ZNF804B: variants seen among roughly 807,000 people sequenced by gnomAD.
The protein encoded by ZNF804B is zinc finger 804B.
In ZNF804B, 80 loss-of-function variants were observed where a neutral mutation model predicts 101.4. The observed-to-expected ratio is 0.79, with a 90% confidence interval of 0.66 to 0.95. The LOEUF is 0.95. Among genes scored for constraint, ZNF804B ranks in the 40% least tolerant of loss-of-function variants. ZNF804B has a pLI of 0.00. For synonymous variants in ZNF804B, 622 were observed against 558.8 expected, an observed-to-expected ratio of 1.11 and a Z score of -1.59; for missense variants, 1,673 against 1,561.9, an observed-to-expected ratio of 1.07 and a Z score of -1.20.
At chr7:88,924,146 C>T (rs1792761940) in intron 1 of ZNF804B, among the ~76,000 whole-genome samples, 1 of 152,002 alleles carries the variant, frequency 6.6e-6, no homozygotes, top group Admixed American at 6.6e-5. Flanking sequence ...TCATAAATGG[C>T]TGTAGTAATT....
chr7:88,928,877 T>C (rs1257597335), intron 1 of ZNF804B, among the ~76,000 whole-genome samples: 1 of 152,104 alleles, frequency 6.6e-6, no homozygotes, highest in African/African-American at 2.4e-5. Context: ...TATTGACTAA[T>C]CATTACAAAA....
chr7:88,845,293 A>G (rs28722594), intron 1 of ZNF804B, among the ~76,000 whole-genome samples: 2,271 of 131,560 alleles, frequency 0.017, 57 homozygotes, highest in African/African-American at 0.062. Context: ...GCGCGCGCGC[A>G]CGCGCGCGCA....
intron 1 of ZNF804B, among the ~76,000 whole-genome samples, chr7:89,129,558 C>T (rs1447990758): frequency 2.0e-5 from 3 of 152,014 alleles, no homozygotes; most frequent in African/African-American, 7.2e-5. Context: ...CAGTAGTTCT[C>T]AGAGTCTTAG....
intron 1 of ZNF804B, among the ~76,000 whole-genome samples, chr7:89,034,956 A>G (rs189331406): frequency 6.6e-6 from 1 of 152,200 alleles, no homozygotes; most frequent in Non-Finnish European, 1.5e-5. Context: ...ATGTTAGTTT[A>G]TTATACTCTA....
chr7:89,027,705 G>T (rs977488992), intron 1 of ZNF804B, among the ~76,000 whole-genome samples: 2 of 152,128 alleles, frequency 1.3e-5, no homozygotes, highest in African/African-American at 4.8e-5. Flanking sequence ...AACGAAGAAG[G>T]TCATGAAAGC....
chr7:89,163,666 C>CAA (rs34344086), intron 1 of ZNF804B, among the ~76,000 whole-genome samples: 30,075 of 149,796 alleles, frequency 0.2, 3,143 homozygotes, highest in Middle Eastern at 0.37. Flanking sequence ...TCACTTTTAG[C>CAA]AAAAAAAAAT....
chr7:89,167,838 A>G (rs1041880634), intron 1 of ZNF804B, among the ~76,000 whole-genome samples: 1 of 152,122 alleles, frequency 6.6e-6, no homozygotes, highest in Non-Finnish European at 1.5e-5. Flanking sequence ...GTTCCTTATT[A>G]TATAAGTAAC....
At chr7:88,806,062 T>G (rs748388178) in intron 1 of ZNF804B, among the ~76,000 whole-genome samples, 1 of 152,082 alleles carries the variant, frequency 6.6e-6, no homozygotes, top group African/African-American at 2.4e-5. Flanking sequence ...CCCATTGATT[T>G]AGCTAGTAGG....
intron 1 of ZNF804B, among the ~76,000 whole-genome samples, chr7:88,857,116 G>A (rs556787681): frequency 3.3e-5 from 5 of 152,158 alleles, no homozygotes; most frequent in East Asian, 1.9e-4. Flanking sequence ...AAAGCAGTGC[G>A]TGGAGGGAAA....
chr7:89,304,372 C>A (rs187870789), intron 2 of ZNF804B, among the ~76,000 whole-genome samples: 1 of 152,074 alleles, frequency 6.6e-6, no homozygotes, highest in Admixed American at 6.6e-5. Context: ...TTCAATTTCT[C>A]TCCCCTATTT....
chr7:89,174,503 G>T (rs1295880960), intron 1 of ZNF804B, among the ~76,000 whole-genome samples: 1 of 151,872 alleles, frequency 6.6e-6, no homozygotes, highest in Non-Finnish European at 1.5e-5. Context: ...TCTGTTGATG[G>T]ACACACAAGT....
chr7:88,905,493 G>A (rs1463543743), intron 1 of ZNF804B, among the ~76,000 whole-genome samples: 1 of 152,002 alleles, frequency 6.6e-6, no homozygotes, highest in African/African-American at 2.4e-5. Context: ...AAATGTCTGA[G>A]ATTACAGGCA....
At chr7:89,324,600 C>T (rs1790869090) in intron 2 of ZNF804B, among the ~76,000 whole-genome samples, 1 of 136,102 alleles carries the variant, frequency 7.3e-6, no homozygotes, top group Non-Finnish European at 1.6e-5. Context: ...TCTACCTTAC[C>T]TTCTTACTTT....
At chr7:88,898,896 T>A (rs1338928828) in intron 1 of ZNF804B, among the ~76,000 whole-genome samples, 1 of 152,162 alleles carries the variant, frequency 6.6e-6, no homozygotes, top group Admixed American at 6.5e-5. Context: ...AGCCATTGTT[T>A]CCTAGAACTG....
chr7:89,269,358 C>T (rs984710200), intron 2 of ZNF804B, among the ~76,000 whole-genome samples: 5 of 152,108 alleles, frequency 3.3e-5, no homozygotes, highest in African/African-American at 1.2e-4. Context: ...ATGATGGTTT[C>T]CAGCTTCATC....
chr7:89,289,891 G>A (rs978174405), intron 2 of ZNF804B, among the ~76,000 whole-genome samples: 4 of 152,190 alleles, frequency 2.6e-5, no homozygotes, highest in African/African-American at 9.7e-5. Flanking sequence ...GGCTAAGAAA[G>A]CATTTGCACC....
At chr7:89,069,895 A>G (rs1273415437) in intron 1 of ZNF804B, among the ~76,000 whole-genome samples, 2 of 152,180 alleles carry the variant, frequency 1.3e-5, no homozygotes, top group Non-Finnish European at 2.9e-5. Flanking sequence ...TGCTGGCAGG[A>G]TTGGAGTGAG....
chr7:89,270,839 G>T (rs187712811), intron 2 of ZNF804B, among the ~76,000 whole-genome samples: 1 of 152,132 alleles, frequency 6.6e-6, no homozygotes, highest in Non-Finnish European at 1.5e-5. Context: ...TTGTGAATGG[G>T]AGTTCACTCA....
At chr7:88,870,992 A>G (rs1364350339) in intron 1 of ZNF804B, among the ~76,000 whole-genome samples, 3 of 149,744 alleles carry the variant, frequency 2.0e-5, no homozygotes, top group Admixed American at 6.8e-5. Flanking sequence ...ATTTAATGCC[A>G]TTTGTTTCTC....
Sources: gnomAD v4.1 joint callset for allele counts (sites outside exome capture counted in the v4.1 genomes callset) on GRCh38, gnomAD v4.1.1 for gene constraint, MANE v1.5 for transcripts, NCBI Gene and HGNC (gene_info 2026-07-23, HGNC 2026-07-21) for gene names.